LDLRAD4: variants seen among roughly 807,000 people sequenced by gnomAD.
The protein encoded by LDLRAD4 is low-density lipoprotein receptor class A domain-containing protein 4.
In LDLRAD4, 5 loss-of-function variants were observed where a neutral mutation model predicts 17.0. That is an observed-to-expected ratio of 0.29 (90% CI 0.15 to 0.62). The LOEUF (loss-of-function observed/expected upper bound fraction) is 0.62. Ranked by LOEUF, LDLRAD4 falls within the 20% of genes least tolerant of loss-of-function variation. The pLI, the probability that LDLRAD4 is intolerant of heterozygous loss-of-function variation, is 0.84. For missense variants in LDLRAD4, 340 were observed against 424.7 expected, an observed-to-expected ratio of 0.80 and a Z score of 1.75; for synonymous variants, 168 against 171.8, an observed-to-expected ratio of 0.98 and a Z score of 0.17.
At chr18:13,612,861 T>A (rs2039732097) in intron 3 of LDLRAD4, 1 of 1,488,330 alleles carries the variant, frequency 6.7e-7, no homozygotes, top group Admixed American at 1.8e-5. Flanking sequence ...AGGACAGAGC[T>A]GAGAAGAGGA....
intron 1 of LDLRAD4, among the ~76,000 whole-genome samples, chr18:13,247,024 G>T (rs2042989334): frequency 6.6e-6 from 1 of 151,226 alleles, no homozygotes; most frequent in Admixed American, 6.6e-5. Context: ...GGACAAAAAA[G>T]ACCTTGGGTA....
intron 1 of LDLRAD4, among the ~76,000 whole-genome samples, chr18:13,281,461 C>G (rs146305723): frequency 2.7e-4 from 41 of 151,670 alleles, no homozygotes; most frequent in East Asian, 1.9e-3. Context: ...TTGGAGTTGT[C>G]ATGTGAATGA....
At chr18:13,550,160 A>G (rs1170585168) in intron 3 of LDLRAD4, among the ~76,000 whole-genome samples, 2 of 152,188 alleles carry the variant, frequency 1.3e-5, no homozygotes, top group Non-Finnish European at 2.9e-5. Context: ...TTACCACAAC[A>G]TGACAATGTA....
rs2046559142 is a variant in LDLRAD4, at chr18:13,300,936, C to T, written c.-383+22748C>T. Reference sequence around the variant, plus strand: ...GCACCTGGCTGCTTGGCTGTGAGGGCTGATCTTCCAGTGCCCGAGTCCCCG... The same window carrying T: ...GCACCTGGCTGCTTGGCTGTGAGGGTTGATCTTCCAGTGCCCGAGTCCCCG... On this transcript the variant is annotated intron_variant, in intron 1 of 5. Coordinates refer to ENST00000359446, the Ensembl canonical transcript of LDLRAD4. This position sits in a 1 kb window ranked among gnomAD's most constrained non-coding sequence, Gnocchi z 4.2. Among the ~76,000 whole-genome samples, 4 of 152,244 alleles carry T rather than the reference C, an allele frequency of 2.6e-5. No homozygotes were observed. Among genetic ancestry groups the T allele is most frequent in the Admixed American group, 2.0e-4 (3 of 15,286 alleles).
chr18:13,262,212 C>T (rs1435494680), intron 1 of LDLRAD4, among the ~76,000 whole-genome samples: 2 of 126,752 alleles, frequency 1.6e-5, no homozygotes, highest in African/African-American at 6.2e-5. Context: ...TCCCGTGTGG[C>T]TCTGTGTGCC....
chr18:13,479,911 C>G (rs1387248910), intron 3 of LDLRAD4, among the ~76,000 whole-genome samples: 1 of 152,182 alleles, frequency 6.6e-6, no homozygotes, highest in Non-Finnish European at 1.5e-5. Context: ...GGCCCCAATC[C>G]AGAATACTGA....
At chr18:13,371,040 C>A (rs907924557) in intron 1 of LDLRAD4, among the ~76,000 whole-genome samples, 1 of 152,172 alleles carries the variant, frequency 6.6e-6, no homozygotes, top group Non-Finnish European at 1.5e-5. Flanking sequence ...TACCTTTTCT[C>A]ACCGGAAAAC....
chr18:13,281,261 T>C (rs770549468), intron 1 of LDLRAD4, among the ~76,000 whole-genome samples: 6 of 152,106 alleles, frequency 3.9e-5, no homozygotes, highest in Non-Finnish European at 8.8e-5. Flanking sequence ...TGGTAGCTCA[T>C]GCCTGTGGTC....
At chr18:13,635,968 T>TGTGTGTGTGTGTGTGTGTGA (rs1344178358) in intron 4 of LDLRAD4, among the ~76,000 whole-genome samples, 6 of 147,830 alleles carry the variant, frequency 4.1e-5, no homozygotes, top group African/African-American at 1.5e-4. Flanking sequence ...TGTGTGTGTG[T>TGTGTGTGTGTGTGTGTGTGA]GATTGTGCCT....
chr18:13,500,822 G>A (rs915974577), intron 3 of LDLRAD4: 1 of 152,172 alleles, frequency 6.6e-6, no homozygotes, highest in African/African-American at 2.4e-5. Flanking sequence ...GGGAGTTTGT[G>A]AGGCCATAAA....
At chr18:13,255,736 C>T (rs1306739020) in intron 1 of LDLRAD4, among the ~76,000 whole-genome samples, 1 of 152,044 alleles carries the variant, frequency 6.6e-6, no homozygotes, top group East Asian at 1.9e-4. Flanking sequence ...GGACGGCTCC[C>T]CAGGCCAGGG....
chr18:13,287,919 A>T (rs1599139113), intron 1 of LDLRAD4, among the ~76,000 whole-genome samples: 1 of 152,368 alleles, frequency 6.6e-6, no homozygotes, highest in South Asian at 2.1e-4. Flanking sequence ...GGCAAAATGT[A>T]CCTGCATAAC....
At chr18:13,534,866 C>T (rs1280866152) in intron 3 of LDLRAD4, among the ~76,000 whole-genome samples, 1 of 152,206 alleles carries the variant, frequency 6.6e-6, no homozygotes, top group African/African-American at 2.4e-5. Flanking sequence ...TCCAGGCCAC[C>T]TCGGACCTGC....
At chr18:13,630,270 A>G (rs1249359822) in intron 4 of LDLRAD4, among the ~76,000 whole-genome samples, 1 of 152,192 alleles carries the variant, frequency 6.6e-6, no homozygotes, top group African/African-American at 2.4e-5. Flanking sequence ...AAGTCTGATG[A>G]TGGATTCCCC....
intron 2 of LDLRAD4, among the ~76,000 whole-genome samples, chr18:13,399,041 C>G (rs1229036562): frequency 6.6e-6 from 1 of 152,068 alleles, no homozygotes; most frequent in Non-Finnish European, 1.5e-5. Flanking sequence ...GAGTTCCTGT[C>G]CAGTCTGGGC....
At chr18:13,633,169 G>A (rs182616468) in intron 4 of LDLRAD4, among the ~76,000 whole-genome samples, 1 of 152,396 alleles carries the variant, frequency 6.6e-6, no homozygotes, top group East Asian at 1.9e-4. Flanking sequence ...CCTATCCACA[G>A]GCAGGTTGAT....
At chr18:13,405,584 C>G (rs972660897) in intron 2 of LDLRAD4, among the ~76,000 whole-genome samples, 1 of 151,700 alleles carries the variant, frequency 6.6e-6, no homozygotes, top group Non-Finnish European at 1.5e-5. Flanking sequence ...GCACAAGCCA[C>G]CATGCCTGGC....
At chr18:13,404,970 A>G (rs1430780040) in intron 2 of LDLRAD4, among the ~76,000 whole-genome samples, 2 of 152,078 alleles carry the variant, frequency 1.3e-5, no homozygotes, top group African/African-American at 4.8e-5. Flanking sequence ...AGTGTGAGCG[A>G]AACCCAATGA....
At chr18:13,296,279 T>C (rs1163060968) in intron 1 of LDLRAD4, among the ~76,000 whole-genome samples, 2 of 152,276 alleles carry the variant, frequency 1.3e-5, no homozygotes, top group Non-Finnish European at 2.9e-5. Context: ...TAGGGTCCTC[T>C]GTCAGGATAG....
Sources: allele counts gnomAD v4.1 joint callset (sites outside exome capture counted in the v4.1 genomes callset), GRCh38; gene constraint gnomAD v4.1.1; non-coding constraint Gnocchi (gnomAD v3.1); transcripts MANE v1.5; gene names NCBI Gene and HGNC (gene_info 2026-07-23, HGNC 2026-07-21).